Variants in AKAP6 observed in about 807,000 individuals in gnomAD.
The protein encoded by AKAP6 is A-kinase anchor protein 6.
A neutral mutation model predicts 188.5 loss-of-function variants in AKAP6; 58 were observed. The observed-to-expected ratio is 0.31, with a 90% CI of 0.25 to 0.38. The LOEUF (loss-of-function observed/expected upper bound fraction) is 0.38. AKAP6 is among the 10% of genes least tolerant of loss of function. The probability of loss-of-function intolerance (pLI) is 1.00; values close to 1 mark genes in which losing one functional copy is unlikely to be tolerated. For missense variants in AKAP6, 2,710 were observed against 2,740.0 expected, an observed-to-expected ratio of 0.99 and a Z score of 0.24; for synonymous variants, 989 against 998.6, an observed-to-expected ratio of 0.99 and a Z score of 0.18.
chr14:32,382,008 A>G (rs1357453926), intron 1 of AKAP6, among the ~76,000 whole-genome samples: 2 of 152,142 alleles, frequency 1.3e-5, no homozygotes, highest in Non-Finnish European at 2.9e-5. Flanking sequence ...GTCCTGACTT[A>G]TCTTACCTTT....
chr14:32,555,858 G>T (rs1883663806), intron 4 of AKAP6, among the ~76,000 whole-genome samples: 2 of 152,056 alleles, frequency 1.3e-5, no homozygotes, highest in African/African-American at 4.8e-5. Flanking sequence ...GGACAATCTG[G>T]GTTGCTTCCA....
chr14:32,682,358 G>T (rs926128953), intron 8 of AKAP6, among the ~76,000 whole-genome samples: 1 of 152,246 alleles, frequency 6.6e-6, no homozygotes, highest in African/African-American at 2.4e-5. Flanking sequence ...AATAGAGAAT[G>T]CTAGGGAACT....
chr14:32,688,661 A>G (rs1000458465), intron 8 of AKAP6, among the ~76,000 whole-genome samples: 1 of 152,172 alleles, frequency 6.6e-6, no homozygotes, highest in Non-Finnish European at 1.5e-5. Flanking sequence ...TCTTTAAGGC[A>G]GAGACAGGTG....
chr14:32,479,153 A>G (rs6571526), intron 2 of AKAP6, among the ~76,000 whole-genome samples: 32,502 of 152,068 alleles, frequency 0.21, 4,341 homozygotes, highest in Middle Eastern at 0.3. Flanking sequence ...AATTACTTCT[A>G]TTGTTTTCCT....
chr14:32,428,492 A>G (rs562688290), intron 1 of AKAP6, among the ~76,000 whole-genome samples: 1 of 152,282 alleles, frequency 6.6e-6, no homozygotes, highest in East Asian at 1.9e-4. Flanking sequence ...TTTGGCCACA[A>G]GAAGAGAAAC....
At chr14:32,396,963 C>T (rs951979890) in intron 1 of AKAP6, among the ~76,000 whole-genome samples, 1 of 152,134 alleles carries the variant, frequency 6.6e-6, no homozygotes. Context: ...AAACACTTCT[C>T]TAATGTTGAA....
intron 4 of AKAP6, among the ~76,000 whole-genome samples, chr14:32,554,245 C>T (rs531256439): frequency 1.3e-5 from 2 of 152,286 alleles, no homozygotes; most frequent in Admixed American, 1.3e-4. Flanking sequence ...GTGACAGAGA[C>T]CATGTGGCCT....
chr14:32,415,385 A>G (rs927078950), intron 1 of AKAP6, among the ~76,000 whole-genome samples: 2 of 90,464 alleles, frequency 2.2e-5, no homozygotes, highest in Admixed American at 1.3e-4. Context: ...TAATTCATGT[A>G]TTAACTTGAG....
At chr14:32,564,277 A>T (rs1219771320) in intron 4 of AKAP6, among the ~76,000 whole-genome samples, 1 of 152,212 alleles carries the variant, frequency 6.6e-6, no homozygotes, top group Non-Finnish European at 1.5e-5. Context: ...TGTAGAACCC[A>T]CAGATATGGA....
At chr14:32,761,661 C>T (rs2032543147) in intron 11 of AKAP6, among the ~76,000 whole-genome samples, 1 of 152,110 alleles carries the variant, frequency 6.6e-6, no homozygotes, top group Non-Finnish European at 1.5e-5. Flanking sequence ...ATCATCCTAG[C>T]TCCTGTGTTC....
At chr14:32,345,713 C>T (rs1001159002) in intron 1 of AKAP6, among the ~76,000 whole-genome samples, 1 of 152,194 alleles carries the variant, frequency 6.6e-6, no homozygotes, top group Admixed American at 6.5e-5. Flanking sequence ...CTGTCTCAGC[C>T]ATTCCCTGGA....
Position 32,782,609 on chromosome 14 carries a change from GATAA to G in AKAP6, c.3588+8720_3588+8723del, listed in dbSNP as rs199889691. Reference sequence around the variant, plus strand: ...TGTCAATTATATTCTAGATATTACTGATAAATAGTCATAAATTGAAATTTTTAAA... The same window carrying G: ...TGTCAATTATATTCTAGATATTACTGATAGTCATAAATTGAAATTTTTAAA... On this transcript the variant is annotated intron_variant, in intron 12 of 13. Transcript: ENST00000280979. 7.2e-3 allele frequency among the ~76,000 whole-genome samples: 1,089 copies of G among 152,148 alleles called. 8 individuals carry two copies. Among genetic ancestry groups the G allele is most frequent in the Non-Finnish European group, 9.6e-3 (654 of 67,988 alleles).
At chr14:32,365,188 G>A (rs3784173) in intron 1 of AKAP6, among the ~76,000 whole-genome samples, 60,447 of 152,086 alleles carry the variant, frequency 0.4, 12,700 homozygotes, top group East Asian at 0.54. Context: ...AATCTCTGCA[G>A]TGATTTTCTG....
intron 7 of AKAP6, among the ~76,000 whole-genome samples, chr14:32,614,529 C>T (rs1321547049): frequency 6.6e-6 from 1 of 152,162 alleles, no homozygotes; most frequent in African/African-American, 2.4e-5. Flanking sequence ...ATATACTTCT[C>T]ATCATAAAAG....
intron 12 of AKAP6, among the ~76,000 whole-genome samples, chr14:32,803,699 C>T (rs193089409): frequency 8.5e-5 from 13 of 152,244 alleles, no homozygotes; most frequent in Admixed American, 6.5e-4. Flanking sequence ...TCTCTTCTTT[C>T]GCTCTAGGCA....
chr14:32,791,506 T>A (rs1317779348), intron 12 of AKAP6, among the ~76,000 whole-genome samples: 2 of 152,154 alleles, frequency 1.3e-5, no homozygotes, highest in East Asian at 3.9e-4. Context: ...TCCTTGTAGA[T>A]TCTGGGTATT....
intron 9 of AKAP6, among the ~76,000 whole-genome samples, chr14:32,727,648 T>C (rs1207023909): frequency 6.6e-6 from 1 of 152,234 alleles, no homozygotes; most frequent in Non-Finnish European, 1.5e-5. Flanking sequence ...AGGTGTCATT[T>C]GCTGTGCGAG....
chr14:32,458,698 A>G (rs1891223002), intron 2 of AKAP6, among the ~76,000 whole-genome samples: 1 of 152,144 alleles, frequency 6.6e-6, no homozygotes, highest in Non-Finnish European at 1.5e-5. Flanking sequence ...AATATTTCCA[A>G]CTGAGCCAAA....
At chr14:32,715,139 A>G (rs2030119515) in intron 9 of AKAP6, among the ~76,000 whole-genome samples, 1 of 152,054 alleles carries the variant, frequency 6.6e-6, no homozygotes, top group Non-Finnish European at 1.5e-5. Context: ...GTCAAATTCA[A>G]CTAACAATTT....
Sources: allele counts gnomAD v4.1 joint callset (sites outside exome capture counted in the v4.1 genomes callset), GRCh38; gene constraint gnomAD v4.1.1; transcripts MANE v1.5; gene names NCBI Gene and HGNC (gene_info 2026-07-23, HGNC 2026-07-21).